Variants in CYP2B6 observed in about 807,000 individuals in gnomAD.
CYP2B6 encodes the protein cytochrome P450 2B6.
In CYP2B6, 35 loss-of-function variants were observed where a neutral mutation model predicts 43.4. That is an observed-to-expected ratio of 0.81 (90% CI 0.62 to 1.07). The LOEUF (loss-of-function observed/expected upper bound fraction) is 1.07. CYP2B6 is among the 50% of genes least tolerant of loss of function. CYP2B6 has a pLI of 0.00. For missense variants in CYP2B6, 624 were observed against 632.8 expected, an observed-to-expected ratio of 0.99 and a Z score of 0.15; for synonymous variants, 239 against 239.2, an observed-to-expected ratio of 1.00 and a Z score of 0.01.
chr19:41,004,355 T>A lies in CYP2B6; in HGVS notation c.393T>A (p.Thr131=). Residue 131 remains threonine, a synonymous_variant, in exon 3 of 9, where the codon ACT becomes ACA. Transcript: ENST00000324071. ...TGCTTCGGCGATTCTCTGTGACCAC[T>A]ATGAGGGACTTCGGGATGGGAAAGC... ...WKVLRRFSVT[T]MRDFGMGKRS... The A allele has an allele frequency of 6.2e-7, 1 of 1,613,870 alleles. No homozygotes were observed. Among genetic ancestry groups the A allele is most frequent in the Non-Finnish European group, 8.5e-7 (1 of 1,179,974 alleles).
At chr19:40,996,634 C>A (rs928934244) in intron 1 of CYP2B6, among the ~76,000 whole-genome samples, 1 of 152,022 alleles carries the variant, frequency 6.6e-6, no homozygotes, top group African/African-American at 2.4e-5. Flanking sequence ...AGAATAGTCA[C>A]CTCATCAATA....
At chr19:41,014,607 C>A (rs909694337) in intron 8 of CYP2B6, among the ~76,000 whole-genome samples, 1 of 152,084 alleles carries the variant, frequency 6.6e-6, no homozygotes, top group Non-Finnish European at 1.5e-5. Context: ...GACTGGCCTG[C>A]TAATTTGTTT....
intron 1 of CYP2B6, among the ~76,000 whole-genome samples, chr19:40,992,656 A>G (rs1968938356): frequency 6.6e-6 from 1 of 152,124 alleles, no homozygotes. Flanking sequence ...AGTAGCTGGA[A>G]CTACAGGTGC....
intron 6 of CYP2B6, among the ~76,000 whole-genome samples, chr19:41,010,687 T>C (rs1242363138): frequency 1.3e-5 from 2 of 152,168 alleles, no homozygotes; most frequent in African/African-American, 2.4e-5. Flanking sequence ...GCAGTTTTGT[T>C]ACATGCGTAG....
intron 1 of CYP2B6, 157 bp from the exon 2 acceptor site, chr19:41,003,844 C>G (rs1969132168): frequency 1.9e-5 from 18 of 941,378 alleles, no homozygotes; most frequent in Non-Finnish European, 2.9e-5. Flanking sequence ...TAACCATTAA[C>G]CCTTAATTGC....
chr19:41,004,274 C>T (rs8192713), intron 2 of CYP2B6, 23 bp from the exon 3 acceptor site: 4 of 1,613,682 alleles, frequency 2.5e-6, no homozygotes, highest in Admixed American at 3.3e-5. Context: ...CTACAACCAA[C>T]CCACACCTCC....
intron 1 of CYP2B6, among the ~76,000 whole-genome samples, chr19:40,992,399 G>A (rs1421828651): frequency 6.6e-6 from 1 of 152,014 alleles, no homozygotes; most frequent in Admixed American, 6.6e-5. Context: ...TCTCAGTATG[G>A]AATTCACAAT....
At position 40,991,286 on chromosome 19, in the gene CYP2B6, A is replaced by T; in HGVS notation, c.-20A>T. 6.2e-7 allele frequency: 1 copy of T among 1,614,060 alleles called. No individual in the cohort carries two copies. Among genetic ancestry groups the T allele is most frequent in the Non-Finnish European group, 8.5e-7 (1 of 1,180,000 alleles). ...CCAGTTGGAGGCTGCAGCAGGGTGCAGGGCAGTCAGACCAGGACCATGGAA... is the reference window on the plus strand; with the variant it reads ...CCAGTTGGAGGCTGCAGCAGGGTGCTGGGCAGTCAGACCAGGACCATGGAA... On this transcript the variant is annotated 5_prime_UTR_variant, in exon 1 of 9. Coordinates refer to ENST00000324071, the MANE Select transcript of CYP2B6 (RefSeq NM_000767.5).
chr19:40,991,548 C>T (rs1478375394), intron 1 of CYP2B6, 72 bp downstream of exon 1: 12 of 1,536,146 alleles, frequency 7.8e-6, no homozygotes, highest in African/African-American at 1.4e-5. Context: ...CTTCACCAAA[C>T]AGAATGAGGC....
chr19:40,993,201 A>T (rs907486742), intron 1 of CYP2B6, among the ~76,000 whole-genome samples: 7 of 152,124 alleles, frequency 4.6e-5, no homozygotes, highest in Non-Finnish European at 7.3e-5. Flanking sequence ...AGTATCCTGG[A>T]GACCCACTAG....
chr19:40,991,577 G>A, intron 1 of CYP2B6, 101 bp downstream of exon 1: 3 of 1,305,814 alleles, frequency 2.3e-6, no homozygotes, highest in Admixed American at 3.4e-5. Context: ...AGAGTCAGGG[G>A]TGGCACGGGC....
At chr19:40,994,399 C>T (rs1221827895) in intron 1 of CYP2B6, among the ~76,000 whole-genome samples, 1 of 152,164 alleles carries the variant, frequency 6.6e-6, no homozygotes, top group Non-Finnish European at 1.5e-5. Context: ...CATAAGTCTG[C>T]ATAGCTCCTG....
chr19:41,006,364 A>C lies in CYP2B6; in HGVS notation c.485-541A>C, dbSNP rs1175277288. Reference sequence around the variant, plus strand: ...TTTTTTGTAGAGACAGGGTCTCCTTATGTTGCCCAGGCTGGTCTTGAATTC... The same window carrying C: ...TTTTTTGTAGAGACAGGGTCTCCTTCTGTTGCCCAGGCTGGTCTTGAATTC... On this transcript the variant is annotated intron_variant, in intron 3 of 8. Coordinates refer to ENST00000324071, the MANE Select transcript of CYP2B6 (RefSeq NM_000767.5). Among the ~76,000 whole-genome samples the C allele has an allele frequency of 2.8e-5, 3 of 107,876 alleles. No individual in the cohort carries two copies. In the East Asian group the frequency reaches 8.1e-4, roughly 29 times the overall value. The allele number at this position is 107,876 out of a possible 152,430, so 70.8% of individuals were successfully genotyped here.
chr19:40,998,787 G>A (rs1969036456), intron 1 of CYP2B6, among the ~76,000 whole-genome samples: 2 of 102,286 alleles, frequency 2.0e-5, no homozygotes, highest in Non-Finnish European at 3.8e-5. Flanking sequence ...GTATTCCATG[G>A]TGTATATGTG....
intron 1 of CYP2B6, among the ~76,000 whole-genome samples, chr19:40,992,489 T>C (rs1968935029): frequency 6.6e-6 from 1 of 152,104 alleles, no homozygotes; most frequent in Non-Finnish European, 1.5e-5. Context: ...GCCCACTGGA[T>C]GTACAAAGAA....
rs368531402 is a variant in CYP2B6, at chr19:41,016,737, C to T, written c.1386C>T (p.Pro462=). Residue 462 remains proline, a synonymous_variant, in exon 9 of 9, where the codon CCC becomes CCT. Coordinates refer to ENST00000324071, the MANE Select transcript of CYP2B6 (RefSeq NM_000767.5). ...TCCAGAACTTCTCCATGGCCAGCCC[C>T]GTGGCCCCAGAAGACATCGATCTGA... ...TILQNFSMAS[P]VAPEDIDLTP... 6.8e-5 allele frequency: 110 copies of T among 1,614,088 alleles called. No individual in the cohort carries two copies. Among genetic ancestry groups the T allele is most frequent in the South Asian group, 4.4e-4 (40 of 91,090 alleles).
intron 8 of CYP2B6, among the ~76,000 whole-genome samples, chr19:41,013,527 G>A (rs1339485374): frequency 1.3e-3 from 199 of 152,252 alleles, no homozygotes; most frequent in African/African-American, 4.6e-3. Context: ...AGGTAGAAAC[G>A]TGATATGGCA....
intron 6 of CYP2B6, among the ~76,000 whole-genome samples, chr19:41,011,395 T>C (rs1411449949): frequency 6.6e-6 from 1 of 152,254 alleles, no homozygotes; most frequent in East Asian, 1.9e-4. Flanking sequence ...GGTTCATTGA[T>C]TTCTTTGTCT....
At chr19:41,010,467 G>A (rs1969266143) in intron 6 of CYP2B6, among the ~76,000 whole-genome samples, 1 of 149,752 alleles carries the variant, frequency 6.7e-6, no homozygotes, top group Admixed American at 6.7e-5. Flanking sequence ...AGGCTGGAGT[G>A]CAGTGGCATG....
Sources: gnomAD v4.1 joint callset for allele counts (sites outside exome capture counted in the v4.1 genomes callset) on GRCh38, gnomAD v4.1.1 for gene constraint, MANE v1.5 for transcripts, NCBI Gene and HGNC (gene_info 2026-07-23, HGNC 2026-07-21) for gene names.